Variants in FSTL5 observed in about 807,000 individuals in gnomAD.
The protein encoded by FSTL5 is follistatin like 5, also known as follistatin-related protein 5.
Under a neutral mutation model 89.1 loss-of-function variants are expected in FSTL5, and 62 were observed. That is an observed-to-expected ratio of 0.70 (90% CI 0.57 to 0.86). The LOEUF (loss-of-function observed/expected upper bound fraction) is 0.86, where lower values mean the gene tolerates loss of function less well. Ranked by LOEUF, FSTL5 falls within the 40% of genes least tolerant of loss-of-function variation. The pLI, the probability that FSTL5 is intolerant of heterozygous loss-of-function variation, is 0.00. For synonymous variants in FSTL5, 383 were observed against 346.2 expected (o/e 1.11, Z -1.18); for missense variants, 1,057 against 1,001.6 (o/e 1.06, Z -0.75).
chr4:162,111,468 A>G, intron 1 of FSTL5, 56 bp from the exon 2 acceptor site: 1 of 1,313,058 alleles, frequency 7.6e-7, no homozygotes, highest in Non-Finnish European at 1.1e-6. Context: ...ATTAAAAAAC[A>G]TGTATCATGA....
intron 3 of FSTL5, among the ~76,000 whole-genome samples, chr4:162,001,827 C>T (rs1478032803): frequency 1.3e-5 from 2 of 151,822 alleles, no homozygotes; most frequent in Non-Finnish European, 2.9e-5. Flanking sequence ...ACACAGAGTA[C>T]AAAAAAATGA....
intron 15 of FSTL5, among the ~76,000 whole-genome samples, chr4:161,430,554 C>T (rs1020270278): frequency 6.6e-6 from 1 of 152,124 alleles, no homozygotes; most frequent in Admixed American, 6.5e-5. Flanking sequence ...TCCTGGCTAA[C>T]ACGGTGAAAC....
intron 15 of FSTL5, among the ~76,000 whole-genome samples, chr4:161,405,179 G>A (rs1000379640): frequency 6.6e-6 from 1 of 151,838 alleles, no homozygotes; most frequent in Non-Finnish European, 1.5e-5. Context: ...GTTGCAGTGA[G>A]CCGAGATCAT....
intron 7 of FSTL5, among the ~76,000 whole-genome samples, chr4:161,590,744 C>T (rs28897421): frequency 0.27 from 41,613 of 151,962 alleles, 6,185 homozygotes; most frequent in East Asian, 0.55. Flanking sequence ...GAGACAATTG[C>T]AAGTGTTGGA....
chr4:161,757,500 A>G (rs1454077438), intron 6 of FSTL5, among the ~76,000 whole-genome samples: 1 of 152,168 alleles, frequency 6.6e-6, no homozygotes, highest in East Asian at 1.9e-4. Context: ...ATAGGGAAAA[A>G]CACATAGACT....
At chr4:161,886,424 T>C (rs1446495435) in intron 4 of FSTL5, among the ~76,000 whole-genome samples, 1 of 152,234 alleles carries the variant, frequency 6.6e-6, no homozygotes, top group South Asian at 2.1e-4. Context: ...AGTGAACTAC[T>C]GTAATTTTCA....
chr4:162,105,405 T>C (rs1731185657), intron 2 of FSTL5, among the ~76,000 whole-genome samples: 3 of 152,176 alleles, frequency 2.0e-5, no homozygotes, highest in Admixed American at 2.0e-4. Context: ...TAAGAAAGCA[T>C]TTTTGCTAAA....
intron 15 of FSTL5, among the ~76,000 whole-genome samples, chr4:161,423,431 A>T (rs1277055658): frequency 1.3e-5 from 2 of 152,262 alleles, no homozygotes; most frequent in East Asian, 3.9e-4. Context: ...CATTGACTAT[A>T]TGTGTTTGAA....
chr4:162,035,535 T>A (rs538688765), intron 2 of FSTL5: 1 of 152,092 alleles, frequency 6.6e-6, no homozygotes, highest in Admixed American at 6.6e-5. Context: ...GTGGACTGGA[T>A]CAAAGGAAGG....
chr4:161,757,164 C>T (rs1740599505), intron 6 of FSTL5, among the ~76,000 whole-genome samples: 1 of 152,100 alleles, frequency 6.6e-6, no homozygotes, highest in East Asian at 1.9e-4. Flanking sequence ...TTTCTATCTA[C>T]TACCCTTTGC....
intron 3 of FSTL5, among the ~76,000 whole-genome samples, chr4:162,021,766 G>A (rs1737093251): frequency 2.0e-5 from 3 of 152,074 alleles, no homozygotes; most frequent in Admixed American, 2.0e-4. Context: ...AGACATTGGA[G>A]ATTTTGAAAG....
chr4:161,432,578 A>G (rs1386003946), intron 15 of FSTL5, among the ~76,000 whole-genome samples: 1 of 152,192 alleles, frequency 6.6e-6, no homozygotes, highest in Admixed American at 6.5e-5. Flanking sequence ...TTAGTAGAAT[A>G]GAAATAATAA....
intron 3 of FSTL5, among the ~76,000 whole-genome samples, chr4:161,982,178 C>A (rs1212173263): frequency 6.6e-6 from 1 of 152,140 alleles, no homozygotes; most frequent in African/African-American, 2.4e-5. Context: ...ACAGAAATAG[C>A]AACTTGTTGA....
chr4:161,674,690 G>A lies in FSTL5; in HGVS notation c.728-18196C>T, dbSNP rs143695763. ...TGATTGGGACATTGCACATTTAAGAGGTACGTAGTGACCATGCTAGGAGTT... is the reference window on the plus strand; with the variant it reads ...TGATTGGGACATTGCACATTTAAGAAGTACGTAGTGACCATGCTAGGAGTT... On this transcript the variant is annotated intron_variant, in intron 6 of 15. Transcript: ENST00000306100. 5.9e-3 allele frequency among the ~76,000 whole-genome samples: 905 copies of A among 152,232 alleles called. 9 individuals are homozygous for A. The highest frequency in any genetic ancestry group is 0.045 in the South Asian group (218 of 4,818).
intron 4 of FSTL5, among the ~76,000 whole-genome samples, chr4:161,903,589 G>A (rs1299305324): frequency 6.6e-6 from 1 of 151,486 alleles, no homozygotes; most frequent in Non-Finnish European, 1.5e-5. Context: ...AAAACCCTAG[G>A]CTTTGTTAAA....
At chr4:161,791,369 T>C (rs1284441458) in intron 4 of FSTL5, among the ~76,000 whole-genome samples, 1 of 151,264 alleles carries the variant, frequency 6.6e-6, no homozygotes, top group Non-Finnish European at 1.5e-5. Context: ...TTTGAGACAA[T>C]TAGTAATTTC....
At chr4:161,798,683 A>G (rs1729705705) in intron 4 of FSTL5, among the ~76,000 whole-genome samples, 1 of 151,626 alleles carries the variant, frequency 6.6e-6, no homozygotes, top group South Asian at 2.1e-4. Flanking sequence ...CTCAAATTTG[A>G]CAACCACTGA....
intron 4 of FSTL5, among the ~76,000 whole-genome samples, chr4:161,870,550 A>G (rs539565661): frequency 2.2e-4 from 34 of 152,230 alleles, no homozygotes; most frequent in South Asian, 8.3e-4. Context: ...CTATTTGGCA[A>G]TGTTTTCCAA....
chr4:161,625,949 T>C (rs1735302130), intron 7 of FSTL5, among the ~76,000 whole-genome samples: 1 of 152,120 alleles, frequency 6.6e-6, no homozygotes, highest in Non-Finnish European at 1.5e-5. Flanking sequence ...TGTAAATCTC[T>C]TCAATTTTAT....
Sources: gnomAD v4.1 joint callset for allele counts (sites outside exome capture counted in the v4.1 genomes callset) on GRCh38, gnomAD v4.1.1 for gene constraint, MANE v1.5 for transcripts, NCBI Gene and HGNC (gene_info 2026-07-23, HGNC 2026-07-21) for gene names.